The following SPACA1 variants were observed in gnomAD, a reference collection of about 807,000 sequenced individuals.
The protein encoded by SPACA1 is sperm acrosome associated 1.
In SPACA1, 17 loss-of-function variants were observed where a neutral mutation model predicts 32.6. That is an observed-to-expected ratio of 0.52 (90% confidence interval 0.36 to 0.78). SPACA1 has a LOEUF of 0.78. Among genes scored for constraint, SPACA1 ranks in the 30% least tolerant of loss-of-function variants. SPACA1 has a pLI of 0.01. For synonymous variants in SPACA1, 140 were observed against 138.1 expected, an observed-to-expected ratio of 1.01 and a Z score of -0.10; for missense variants, 363 against 373.4, an observed-to-expected ratio of 0.97 and a Z score of 0.23.
At chr6:88,059,853 T>C (rs1459701434) in intron 5 of SPACA1, among the ~76,000 whole-genome samples, 4 of 152,244 alleles carry the variant, frequency 2.6e-5, no homozygotes, top group Non-Finnish European at 5.9e-5. Context: ...TTTCACAAAG[T>C]AGTCACAATT....
At chr6:88,063,582 T>A (rs12205719) in intron 5 of SPACA1, among the ~76,000 whole-genome samples, 29,820 of 152,094 alleles carry the variant, frequency 0.2, 3,261 homozygotes, top group Middle Eastern at 0.3. Context: ...TCAAGGGAAC[T>A]TTCTGGGGTA....
intron 2 of SPACA1, among the ~76,000 whole-genome samples, chr6:88,057,255 T>A (rs1775823282): frequency 6.6e-6 from 1 of 152,252 alleles, no homozygotes; most frequent in Admixed American, 6.5e-5. Flanking sequence ...AATGCGAATG[T>A]ACACAATAGC....
chr6:88,055,178 G>A (rs1216570696), intron 2 of SPACA1, among the ~76,000 whole-genome samples: 1 of 152,052 alleles, frequency 6.6e-6, no homozygotes, highest in East Asian at 1.9e-4. Context: ...CACAGGTAGA[G>A]AATTATTTTT....
intron 6 of SPACA1, 122 bp from the exon 7 acceptor site, chr6:88,066,060 A>G (rs1775979354): frequency 1.5e-6 from 1 of 646,580 alleles, no homozygotes; most frequent in Admixed American, 3.4e-5. Flanking sequence ...TATATAATAT[A>G]TACATACAGG....
At chr6:88,059,615 G>T in intron 5 of SPACA1, 27 bp downstream of exon 5, 1 of 1,580,116 alleles carries the variant, frequency 6.3e-7, no homozygotes, top group Non-Finnish European at 8.6e-7. Context: ...GTCTTGGTTT[G>T]CTTATATGCC....
intron 5 of SPACA1, among the ~76,000 whole-genome samples, chr6:88,060,046 T>C (rs1775869444): frequency 1.3e-5 from 2 of 152,328 alleles, no homozygotes; most frequent in South Asian, 4.1e-4. Flanking sequence ...GATGTCAAAG[T>C]ATGACTCTTT....
intron 5 of SPACA1, 127 bp from the exon 6 acceptor site, chr6:88,063,972 T>C (rs1233320992): frequency 6.4e-5 from 66 of 1,036,942 alleles, no homozygotes; most frequent in Non-Finnish European, 8.5e-5. Flanking sequence ...AGATCATTAA[T>C]AATTTTCTCT....
Position 88,056,507 on chromosome 6 carries a change from G to A in SPACA1, c.266-1105G>A, listed in dbSNP as rs546863840. ...CTATTCAACGTGCGGTCCACAGACT[G>A]CATCAGTATCACCTGGGAGCTTGTT... is the stretch of plus-strand genomic sequence containing the variant. On this transcript the variant is annotated intron_variant, in intron 2 of 6. Coordinates refer to ENST00000237201, the MANE Select transcript of SPACA1 (RefSeq NM_030960.3). 1.2e-4 allele frequency among the ~76,000 whole-genome samples: 18 copies of A among 152,280 alleles called. 1 individual carries two copies. The Middle Eastern group carries it at 0.01, about 86-fold the overall frequency.
At chr6:88,055,741 C>T (rs530253817) in intron 2 of SPACA1, among the ~76,000 whole-genome samples, 215 of 152,250 alleles carry the variant, frequency 1.4e-3, no homozygotes, top group African/African-American at 4.8e-3. Context: ...GAGGCCGAGG[C>T]GGGTGGATCA....
intron 5 of SPACA1, among the ~76,000 whole-genome samples, chr6:88,061,575 C>T (rs1775898290): frequency 1.3e-5 from 2 of 151,980 alleles, no homozygotes; most frequent in Admixed American, 1.3e-4. Context: ...CTACCAGAAT[C>T]CAAGGAATTT....
At position 88,059,441 on chromosome 6, in the gene SPACA1, C is replaced by A; in HGVS notation, c.475-12C>A. 1 of 1,571,982 alleles carries A rather than the reference C, an allele frequency of 6.4e-7. No homozygotes were observed. Among genetic ancestry groups the A allele is most frequent in the Non-Finnish European group, 8.6e-7 (1 of 1,161,632 alleles). On this transcript the variant is annotated splice_polypyrimidine_tract_variant and intron_variant, in intron 4 of 6. Transcript: ENST00000237201. ...AATGTTGATACTTTGTTATTTTTTT[C>A]TTTTTAAATAGCAATCCATTATACT...
chr6:88,065,982 A>G (rs1775976713), intron 6 of SPACA1, among the ~76,000 whole-genome samples, 200 bp from the exon 7 acceptor site: 1 of 151,994 alleles, frequency 6.6e-6, no homozygotes, highest in South Asian at 2.1e-4. Flanking sequence ...TGTAATATAT[A>G]TACAGGTACA....
At chr6:88,065,797 T>C (rs1775973827) in intron 6 of SPACA1, among the ~76,000 whole-genome samples, 1 of 150,842 alleles carries the variant, frequency 6.6e-6, no homozygotes, top group African/African-American at 2.4e-5. Flanking sequence ...CTGAACATTT[T>C]TGAATAGTAA....
chr6:88,058,198 T>C (rs1236767828), intron 3 of SPACA1, among the ~76,000 whole-genome samples: 1 of 152,234 alleles, frequency 6.6e-6, no homozygotes, highest in Non-Finnish European at 1.5e-5. Context: ...TTACAACTTA[T>C]TCTGCATAAG....
rs769128092 is a variant in SPACA1, at chr6:88,053,980, C to T, written c.243C>T (p.Phe81=). The change falls in exon 2 of 7, where the codon TTC becomes TTT. Residue 81 remains phenylalanine (F), a synonymous_variant. Coordinates refer to ENST00000237201, the MANE Select transcript of SPACA1 (RefSeq NM_030960.3). ...SNRNVVKEVE[F]GMCTVTCGIG... is the part of the protein sequence containing the mutation. The stretch of plus-strand genomic sequence containing the variant: ...GGAATGTCGTCAAAGAAGTAGAATT[C>T]GGAATGTGCACCGTTACATGTGGTA... The T allele has an allele frequency of 1.0e-4, 162 of 1,613,192 alleles. No homozygotes were observed. Among genetic ancestry groups the T allele is most frequent in the Non-Finnish European group, 1.3e-4 (151 of 1,179,564 alleles).
chr6:88,057,485 C>G lies in SPACA1; in HGVS notation c.266-127C>G, dbSNP rs567603899. 6 of 627,638 alleles carry G rather than the reference C, an allele frequency of 9.6e-6. No homozygotes were observed. In the East Asian group the frequency reaches 1.4e-4, roughly 15 times the overall value. 38.9% of individuals were successfully genotyped at this position (627,638 alleles called of 1,614,324 possible). A position where few individuals can be genotyped will look rare whatever the true frequency, so the allele number is the denominator to read the frequency against. On this transcript the variant is annotated intron_variant, in intron 2 of 6. Coordinates refer to ENST00000237201, the MANE Select transcript of SPACA1 (RefSeq NM_030960.3). ...CAAAAAAATTTTAAGTGTTATCGTT[C>G]TGAATTTAGAAACTTAATTTCTGAA...
intron 2 of SPACA1, among the ~76,000 whole-genome samples, chr6:88,055,714 T>C (rs540467535): frequency 5.4e-4 from 83 of 152,360 alleles, no homozygotes; most frequent in African/African-American, 1.9e-3. Context: ...CTCACGCCTG[T>C]AATCCCAGCA....
At chr6:88,058,988 C>G (rs76513225) in intron 4 of SPACA1, among the ~76,000 whole-genome samples, 166 bp downstream of exon 4, 289 of 152,296 alleles carry the variant, frequency 1.9e-3, no homozygotes, top group African/African-American at 5.9e-3. Flanking sequence ...TCATTATTTA[C>G]TAGGACTAAA....
Position 88,061,391 on chromosome 6 carries a change from G to T in SPACA1, c.610+1803G>T, listed in dbSNP as rs114657722. ...AGTGGGCCTTTAATCCAATATAACT[G>T]GTGCCCTCATAAGAAGAGGAATATT... On this transcript the variant is annotated intron_variant, in intron 5 of 6. Transcript: ENST00000237201. 7.2e-3 allele frequency among the ~76,000 whole-genome samples: 1,093 copies of T among 151,878 alleles called. 15 individuals carry two copies. Among genetic ancestry groups the T allele is most frequent in the African/African-American group, 0.024 (1,012 of 41,412 alleles).
Sources: gnomAD v4.1 joint callset for allele counts (sites outside exome capture counted in the v4.1 genomes callset) on GRCh38, gnomAD v4.1.1 for gene constraint, MANE v1.5 for transcripts, NCBI Gene and HGNC (gene_info 2026-07-23, HGNC 2026-07-21) for gene names.